The following PASD1 variants were observed in gnomAD, a reference collection of about 807,000 sequenced individuals.
PASD1 encodes PAS domain containing repressor 1.
PASD1 carries 13 observed loss-of-function variants against 58.8 expected under a neutral mutation model. That is an observed-to-expected ratio of 0.22 (90% confidence interval 0.14 to 0.35). The LOEUF is 0.35. PASD1 is among the 10% of genes least tolerant of loss of function. PASD1 has a pLI of 1.00. For missense variants in PASD1, 734 were observed against 568.3 expected, an observed-to-expected ratio of 1.29 and a Z score of -2.96; for synonymous variants, 236 against 216.7, an observed-to-expected ratio of 1.09 and a Z score of -0.78.
chrX:151,629,495 T>G (rs1467189284), intron 8 of PASD1, among the ~76,000 whole-genome samples: 3 of 111,979 alleles, frequency 2.7e-5, no homozygotes, highest in African/African-American at 9.7e-5. Flanking sequence ...CGACCAAGCT[T>G]AAGACTTCTA....
chrX:151,658,007 G>T (rs759511689), intron 9 of PASD1, among the ~76,000 whole-genome samples: 17 of 111,014 alleles, frequency 1.5e-4, no homozygotes, highest in African/African-American at 5.6e-4. Flanking sequence ...CCACCACAGG[G>T]AAAATGCAAA....
intron 8 of PASD1, among the ~76,000 whole-genome samples, chrX:151,636,496 C>T (rs918365736): frequency 2.7e-5 from 3 of 111,234 alleles, no homozygotes; most frequent in Non-Finnish European, 5.7e-5. Context: ...TTCCACCTCC[C>T]AGGTTCAAAT....
intron 9 of PASD1, among the ~76,000 whole-genome samples, chrX:151,659,380 C>G (rs1366080927): frequency 7.1e-5 from 8 of 111,976 alleles, no homozygotes. Flanking sequence ...TGACAGCATC[C>G]TACTGACACC....
At chrX:151,671,459 A>C (rs1431136128) in intron 12 of PASD1, 114 bp from the exon 13 acceptor site, 1 of 937,459 alleles carries the variant, frequency 1.1e-6, no homozygotes, top group African/African-American at 2.0e-5. Flanking sequence ...ATATATAGCC[A>C]AGGCTTCCTG....
intron 8 of PASD1, among the ~76,000 whole-genome samples, chrX:151,628,570 A>G (rs1206945808): frequency 8.9e-6 from 1 of 111,982 alleles, no homozygotes; most frequent in Non-Finnish European, 1.9e-5. Context: ...TGGTACCAGT[A>G]CCATGCTGTT....
At position 151,621,500 on chromosome X, in the gene PASD1, G is replaced by A; in HGVS notation, c.326G>A (p.Cys109Tyr). 1 of 1,199,218 alleles carries A rather than the reference G, an allele frequency of 8.3e-7. No homozygotes were observed. Among genetic ancestry groups the A allele is most frequent in the Non-Finnish European group, 1.1e-6 (1 of 888,037 alleles). The change falls in exon 6 of 16, where the codon TGC (cysteine) becomes TAC (tyrosine). Residue 109 changes from cysteine (C) to tyrosine (Y), a missense_variant. Physicochemically the swap from Cys to Tyr is radical, Grantham distance 194. Coordinates refer to ENST00000370357, the MANE Select transcript of PASD1 (RefSeq NM_173493.3). ...TTACTAGAAACACATATTGAATTTT[G>A]CTGTCATTTAAAAAGAGGAAATGTC... is the stretch of plus-strand genomic sequence containing the variant. ...LLNSETHIEF[C>Y]CHLKRGNVEH...
intron 1 of PASD1, among the ~76,000 whole-genome samples, chrX:151,573,666 A>G (rs150988135): frequency 0.011 from 1,240 of 112,461 alleles, 15 homozygotes; most frequent in African/African-American, 0.038. Flanking sequence ...GATTTATATT[A>G]CTTCATTAAG....
intron 1 of PASD1, among the ~76,000 whole-genome samples, chrX:151,568,868 G>A (rs773815404): frequency 4.5e-5 from 5 of 111,290 alleles, no homozygotes; most frequent in African/African-American, 1.6e-4. Flanking sequence ...TTCTCCATCC[G>A]TGTGGTATCT....
chrX:151,611,881 A>C (rs946879362), intron 4 of PASD1, 128 bp downstream of exon 4: 7 of 428,718 alleles, frequency 1.6e-5, no homozygotes, highest in African/African-American at 1.5e-4. Flanking sequence ...GGTTTGTTTC[A>C]TATGGATACA....
chrX:151,611,651 C>G lies in PASD1; in HGVS notation c.118-13C>G. On this transcript the variant is annotated splice_polypyrimidine_tract_variant and intron_variant, in intron 3 of 15. Coordinates refer to ENST00000370357, the MANE Select transcript of PASD1 (RefSeq NM_173493.3). ...TCCACTATTTAATTACATTATTATTCTCTCGTCATTAGTTATTAGATGGCT... is the reference window on the plus strand; with the variant it reads ...TCCACTATTTAATTACATTATTATTGTCTCGTCATTAGTTATTAGATGGCT... The G allele has an allele frequency of 9.0e-7, 1 of 1,117,014 alleles. No individual in the cohort carries two copies. The allele number at this position is 1,117,014 out of a possible 1,213,427, so 92.1% of individuals were successfully genotyped here. A position where few individuals can be genotyped will look rare whatever the true frequency, so the allele number is the denominator to read the frequency against.
At chrX:151,591,242 G>C (rs1399516158) in intron 1 of PASD1, among the ~76,000 whole-genome samples, 1 of 111,937 alleles carries the variant, frequency 8.9e-6, no homozygotes, top group Non-Finnish European at 1.9e-5. Context: ...CTCAACTACA[G>C]AGAGCCAATG....
chrX:151,657,843 T>G (rs1602959532), intron 9 of PASD1, among the ~76,000 whole-genome samples: 1 of 110,246 alleles, frequency 9.1e-6, no homozygotes, highest in East Asian at 2.8e-4. Context: ...TGGAGGGTTT[T>G]TTTTTTTTTA....
chrX:151,642,817 T>C (rs924396739), intron 8 of PASD1, among the ~76,000 whole-genome samples: 2 of 111,988 alleles, frequency 1.8e-5, no homozygotes, highest in Admixed American at 9.5e-5. Context: ...TTAGGAAAGG[T>C]TCCATTTGTC....
chrX:151,629,057 G>T (rs951632778), intron 8 of PASD1, among the ~76,000 whole-genome samples: 16 of 111,838 alleles, frequency 1.4e-4, no homozygotes, highest in Non-Finnish European at 3.0e-4. Context: ...CTGAGACTTT[G>T]CTGAAGTTGC....
chrX:151,644,517 C>T (rs1021649661), intron 8 of PASD1, among the ~76,000 whole-genome samples: 1 of 111,769 alleles, frequency 8.9e-6, no homozygotes, highest in African/African-American at 3.3e-5. Flanking sequence ...ATGCAGAACT[C>T]ATCTTGCAGG....
intron 11 of PASD1, among the ~76,000 whole-genome samples, chrX:151,669,264 A>G (rs2014432253): frequency 9.4e-6 from 1 of 106,934 alleles, no homozygotes; most frequent in African/African-American, 3.4e-5. Flanking sequence ...TGTATAGTGT[A>G]TATATATACA....
intron 1 of PASD1, among the ~76,000 whole-genome samples, chrX:151,597,888 G>A (rs1376984772): frequency 1.8e-5 from 2 of 110,910 alleles, no homozygotes; most frequent in East Asian, 2.8e-4. Context: ...CTGCCACCAC[G>A]CCCAGCTATG....
intron 9 of PASD1, among the ~76,000 whole-genome samples, chrX:151,649,901 A>G (rs756827339): frequency 1.8e-5 from 2 of 112,049 alleles, no homozygotes; most frequent in East Asian, 5.6e-4. Flanking sequence ...TGTAATATGG[A>G]GATGCCATGA....
chrX:151,629,630 A>G (rs957520343), intron 8 of PASD1, among the ~76,000 whole-genome samples: 4 of 111,887 alleles, frequency 3.6e-5, no homozygotes, highest in African/African-American at 1.3e-4. Flanking sequence ...CTTTTACTGA[A>G]TAATGTGGAA....
Sources: gnomAD v4.1 joint callset for allele counts (sites outside exome capture counted in the v4.1 genomes callset) on GRCh38, gnomAD v4.1.1 for gene constraint, MANE v1.5 for transcripts, NCBI Gene and HGNC (gene_info 2026-07-23, HGNC 2026-07-21) for gene names.